BTG1: variants seen among roughly 807,000 people sequenced by gnomAD.
The protein encoded by BTG1 is BTG anti-proliferation factor 1, also known as protein BTG1.
In BTG1, 2 loss-of-function variants were observed where a neutral mutation model predicts 15.2. That is an observed-to-expected ratio of 0.13 (90% confidence interval 0.05 to 0.41). The LOEUF (loss-of-function observed/expected upper bound fraction) is 0.41, where lower values mean the gene tolerates loss of function less well. Ranked by LOEUF, BTG1 falls within the 10% of genes least tolerant of loss-of-function variation. The pLI is 0.99. For synonymous variants in BTG1, 109 were observed against 82.4 expected, an observed-to-expected ratio of 1.32 and a Z score of -1.75; for missense variants, 149 against 215.0, an observed-to-expected ratio of 0.69 and a Z score of 1.92.
At position 92,145,844 on chromosome 12, in the gene BTG1, G is replaced by C. The variant is rs28399532; in HGVS notation, c.-309C>G. 5.6e-5 allele frequency: 13 copies of C among 233,040 alleles called. No individual in the cohort carries two copies. The highest frequency in any genetic ancestry group is 2.7e-4 in the African/African-American group (12 of 44,786). 14.4% of individuals were successfully genotyped at this position (233,040 alleles called of 1,614,324 possible). A position where few individuals can be genotyped will look rare whatever the true frequency, so the allele number is the denominator to read the frequency against. On this transcript the variant is annotated 5_prime_UTR_variant, in exon 1 of 2. Transcript: ENST00000256015. ...ATAGCTGCATTTCCAGCTCCGAGAGGCGAAGAGATGCAAGCGCCGTGCAGC... is the reference window on the plus strand; with the variant it reads ...ATAGCTGCATTTCCAGCTCCGAGAGCCGAAGAGATGCAAGCGCCGTGCAGC...
intron 1 of BTG1, among the ~76,000 whole-genome samples, chr12:92,144,842 G>C (rs1297194202): frequency 6.6e-6 from 1 of 152,186 alleles, no homozygotes; most frequent in Non-Finnish European, 1.5e-5. Flanking sequence ...AACCCCGAAG[G>C]GAAGAAAAAC....
In BTG1 at chr12:92,141,056, T is replaced by A. The variant is rs978916578; in HGVS notation, c.*3024A>T. Reference sequence around the variant, plus strand: ...CGCAGGGAGAAGTCCAATAGTAGATTTATTTGCTCCCAAGATTAAAGGGAG... The same window carrying A: ...CGCAGGGAGAAGTCCAATAGTAGATATATTTGCTCCCAAGATTAAAGGGAG... On this transcript the variant is annotated 3_prime_UTR_variant, in exon 2 of 2. Transcript: ENST00000256015. The A allele has an allele frequency of 4.7e-5, 11 of 232,690 alleles. No homozygotes were observed. The highest frequency in any genetic ancestry group is 2.4e-4 in the African/African-American group (11 of 45,308). The allele number at this position is 232,690 out of a possible 1,614,324, so 14.4% of individuals were successfully genotyped here.
Position 92,143,567 on chromosome 12 carries a change from T to C in BTG1, c.*513A>G, listed in dbSNP as rs1870387785. 1 of 235,866 alleles carries C rather than the reference T, an allele frequency of 4.2e-6. No homozygotes were observed. The highest frequency in any genetic ancestry group is 5.6e-5 in the Admixed American group (1 of 17,822). The allele number at this position is 235,866 out of a possible 1,614,324, so 14.6% of individuals were successfully genotyped here. Reference sequence around the variant, plus strand: ...GACCATTTCCCCAGGTCATGCTTACTAGTTTGTCTTTATGTACATTTATAC... The same window carrying C: ...GACCATTTCCCCAGGTCATGCTTACCAGTTTGTCTTTATGTACATTTATAC... On this transcript the variant is annotated 3_prime_UTR_variant, in exon 2 of 2. Transcript: ENST00000256015.
In BTG1 at chr12:92,142,689, TG is replaced by T. The variant is rs1393201205; in HGVS notation, c.*1390del. 1.3e-5 allele frequency: 3 copies of T among 233,012 alleles called. No individual in the cohort carries two copies. The highest frequency in any genetic ancestry group is 2.5e-5 in the Non-Finnish European group (3 of 117,986). The allele number at this position is 233,012 out of a possible 1,614,324, so 14.4% of individuals were successfully genotyped here. ...CAAAAAGCAACCAATCTCTCTGTGG[TG>T]TTTAGCCTGTTCTTTAAGACTATGG... On this transcript the variant is annotated 3_prime_UTR_variant, in exon 2 of 2. Coordinates refer to ENST00000256015, the MANE Select transcript of BTG1 (RefSeq NM_001731.3).
chr12:92,140,644 A>C lies in BTG1; in HGVS notation c.*3436T>G. On this transcript the variant is annotated 3_prime_UTR_variant, in exon 2 of 2. Coordinates refer to ENST00000256015, the MANE Select transcript of BTG1 (RefSeq NM_001731.3). ...TGGTATTACAAACTATCTTACTGTA[A>C]AAGATTTTGTGATACTGTTATATTA... is the stretch of plus-strand genomic sequence containing the variant. 1 of 232,148 alleles carries C rather than the reference A, an allele frequency of 4.3e-6. No homozygotes were observed. Among genetic ancestry groups the C allele is most frequent in the Non-Finnish European group, 8.5e-6 (1 of 117,364 alleles). 14.4% of individuals were successfully genotyped at this position (232,148 alleles called of 1,614,324 possible).
intron 1 of BTG1, 121 bp from the exon 2 acceptor site, chr12:92,144,568 C>T (rs1870459912): frequency 7.5e-7 from 1 of 1,332,992 alleles, no homozygotes; most frequent in Non-Finnish European, 1.0e-6. Flanking sequence ...TTTAAAATGT[C>T]CAGGATTGCA....
chr12:92,144,461 G>T lies in BTG1; in HGVS notation c.149-14C>A. 3 of 1,610,228 alleles carry T rather than the reference G, an allele frequency of 1.9e-6. No homozygotes were observed. The highest frequency in any genetic ancestry group is 2.5e-6 in the Non-Finnish European group (3 of 1,179,064). ...GTTTATAATGTTCTATAGAAGAAAA[G>T]AAGAACAGAGAAACAACGCTTAGGA... On this transcript the variant is annotated splice_polypyrimidine_tract_variant and intron_variant, in intron 1 of 1. Transcript: ENST00000256015.
At position 92,145,608 on chromosome 12, in the gene BTG1, C is replaced by CCGGG. The variant is rs1335088901; in HGVS notation, c.-77_-74dup. 9.9e-6 allele frequency: 11 copies of CCGGG among 1,106,582 alleles called. No individual in the cohort carries two copies. The East Asian group carries it at 2.3e-4, about 23-fold the overall frequency. The allele number at this position is 1,106,582 out of a possible 1,614,324, so 68.5% of individuals were successfully genotyped here. A position where few individuals can be genotyped will look rare whatever the true frequency, so the allele number is the denominator to read the frequency against. ...CGGCCCCGACGGCGGAGCAGCCACCCCGGGCTTCCTCACCGGGCGGAAGGC... is the reference window on the plus strand; with the variant it reads ...CGGCCCCGACGGCGGAGCAGCCACCCCGGGCGGGCTTCCTCACCGGGCGGAAGGC... On this transcript the variant is annotated 5_prime_UTR_variant, in exon 1 of 2. Coordinates refer to ENST00000256015, the MANE Select transcript of BTG1 (RefSeq NM_001731.3).
rs1379553992 is a variant in BTG1 at position 92,143,907 on chromosome 12, A to G, written c.*173T>C. 2 of 690,612 alleles carry G rather than the reference A, an allele frequency of 2.9e-6. No individual in the cohort carries two copies. The highest frequency in any genetic ancestry group is 4.6e-6 in the Non-Finnish European group (2 of 430,448). The allele number at this position is 690,612 out of a possible 1,614,324, so 42.8% of individuals were successfully genotyped here. A position where few individuals can be genotyped will look rare whatever the true frequency, so the allele number is the denominator to read the frequency against. ...AATTAATCATTGAAAGGTACTGTCC[A>G]AACTATGGCACTGTCACTTAAAATT... On this transcript the variant is annotated 3_prime_UTR_variant, in exon 2 of 2. Transcript: ENST00000256015.
rs1870439776 is a variant in BTG1 at position 92,144,327 on chromosome 12, C to T, written c.269G>A (p.Ser90Asn). Residue 90 changes from serine (S) to asparagine (N), a missense_variant, in exon 2 of 2, where the codon AGC becomes AAC. Physicochemically the swap from Ser to Asn is conservative, Grantham distance 46. Coordinates refer to ENST00000256015, the MANE Select transcript of BTG1 (RefSeq NM_001731.3). ...GAGAAGCCTGAACAGCTCCTGACTG[C>T]TCAGTCCAATCCGCTGTGCTGCCTG... ...IGQAAQRIGLSSQELFRLLPS... is the reference protein window; with the variant it reads ...IGQAAQRIGLNSQELFRLLPS... The T allele has an allele frequency of 3.1e-6, 5 of 1,614,240 alleles. No individual in the cohort carries two copies. The highest frequency in any genetic ancestry group is 4.2e-6 in the Non-Finnish European group (5 of 1,180,036).
At chr12:92,144,534 A>G in intron 1 of BTG1, 87 bp from the exon 2 acceptor site, 2 of 1,537,022 alleles carry the variant, frequency 1.3e-6, no homozygotes, top group South Asian at 1.2e-5. Context: ...TCCTTTGAGG[A>G]GCGAAAATGA....
chr12:92,145,611 G>T lies in BTG1; in HGVS notation c.-76C>A. Reference sequence around the variant, plus strand: ...CCCCGACGGCGGAGCAGCCACCCCGGGCTTCCTCACCGGGCGGAAGGCTGA... The same window carrying T: ...CCCCGACGGCGGAGCAGCCACCCCGTGCTTCCTCACCGGGCGGAAGGCTGA... On this transcript the variant is annotated 5_prime_UTR_variant, in exon 1 of 2. Coordinates refer to ENST00000256015, the MANE Select transcript of BTG1 (RefSeq NM_001731.3). 9.2e-7 allele frequency: 1 copy of T among 1,092,498 alleles called. No individual in the cohort carries two copies. The highest frequency in any genetic ancestry group is 1.2e-6 in the Non-Finnish European group (1 of 849,392). 67.7% of individuals were successfully genotyped at this position (1,092,498 alleles called of 1,614,324 possible).
Position 92,143,063 on chromosome 12 carries a change from G to A in BTG1, c.*1017C>T, listed in dbSNP as rs28399548. The A allele has an allele frequency of 5.4e-4, 125 of 232,714 alleles. 1 individual carries two copies. In the South Asian group the frequency reaches 0.021, roughly 40 times the overall value. 14.4% of individuals were successfully genotyped at this position (232,714 alleles called of 1,614,324 possible). On this transcript the variant is annotated 3_prime_UTR_variant, in exon 2 of 2. Transcript: ENST00000256015. Reference sequence around the variant, plus strand: ...GTGTGCAACAGAGATTCAGTTTATAGAACCTGTCTTCTAAGAAAAAATACT... The same window carrying A: ...GTGTGCAACAGAGATTCAGTTTATAAAACCTGTCTTCTAAGAAAAAATACT...
Position 92,145,298 on chromosome 12 carries a change from G to A in BTG1, c.148+90C>T, listed in dbSNP as rs527247262. ...GGGGCCCAAGCGCGACCGGCCCCGG[G>A]GCGCTGCCGAGGTTCCCGCAGCCCC... On this transcript the variant is annotated intron_variant, in intron 1 of 1. Coordinates refer to ENST00000256015, the MANE Select transcript of BTG1 (RefSeq NM_001731.3). The A allele has an allele frequency of 2.9e-5, 39 of 1,352,708 alleles. No homozygotes were observed. The African/African-American group carries it at 5.5e-4, about 19-fold the overall frequency. 83.8% of individuals were successfully genotyped at this position (1,352,708 alleles called of 1,614,324 possible).
In BTG1 at chr12:92,143,505, T is replaced by G. The variant is rs1358209330; in HGVS notation, c.*575A>C. On this transcript the variant is annotated 3_prime_UTR_variant, in exon 2 of 2. Coordinates refer to ENST00000256015, the MANE Select transcript of BTG1 (RefSeq NM_001731.3). ...TGTTGCCATGGCAGATTCTGGTCAC[T>G]TGCTACTTTCAAGGCCAAAAACACA... 1 of 234,104 alleles carries G rather than the reference T, an allele frequency of 4.3e-6. No individual in the cohort carries two copies. Among genetic ancestry groups the G allele is most frequent in the African/African-American group, 2.2e-5 (1 of 45,336 alleles). The allele number at this position is 234,104 out of a possible 1,614,324, so 14.5% of individuals were successfully genotyped here. A position where few individuals can be genotyped will look rare whatever the true frequency, so the allele number is the denominator to read the frequency against.
At chr12:92,145,260 C>A in intron 1 of BTG1, 128 bp downstream of exon 1, 1 of 1,296,698 alleles carries the variant, frequency 7.7e-7, no homozygotes. Context: ...CGCAACCACA[C>A]CGGTCCCGCG....
rs1870372186 is a variant in BTG1, at chr12:92,143,337, A to G, written c.*743T>C. Reference sequence around the variant, plus strand: ...ACTTTTACCCAATTAAGTACAAGGAAAGTTACAAACCAGACCTCCACTTTC... The same window carrying G: ...ACTTTTACCCAATTAAGTACAAGGAGAGTTACAAACCAGACCTCCACTTTC... On this transcript the variant is annotated 3_prime_UTR_variant, in exon 2 of 2. Coordinates refer to ENST00000256015, the MANE Select transcript of BTG1 (RefSeq NM_001731.3). The G allele has an allele frequency of 4.3e-6, 1 of 233,138 alleles. No individual in the cohort carries two copies. The highest frequency in any genetic ancestry group is 8.5e-6 in the Non-Finnish European group (1 of 117,696). The allele number at this position is 233,138 out of a possible 1,614,324, so 14.4% of individuals were successfully genotyped here. A position where few individuals can be genotyped will look rare whatever the true frequency, so the allele number is the denominator to read the frequency against.
In BTG1 at chr12:92,145,649, G is replaced by C; in HGVS notation, c.-114C>G. 1.5e-6 allele frequency: 1 copy of C among 658,620 alleles called. No homozygotes were observed. The highest frequency in any genetic ancestry group is 2.2e-6 in the Non-Finnish European group (1 of 456,866). 40.8% of individuals were successfully genotyped at this position (658,620 alleles called of 1,614,324 possible). ...GGCGGAAGGCTGAGAGGAAGAGAGG[G>C]CGTGAGGGGCGGACGACTACTTTTG... On this transcript the variant is annotated 5_prime_UTR_variant, in exon 1 of 2. Transcript: ENST00000256015.
chr12:92,142,461 A>G lies in BTG1; in HGVS notation c.*1619T>C, dbSNP rs1870303130. On this transcript the variant is annotated 3_prime_UTR_variant, in exon 2 of 2. Coordinates refer to ENST00000256015, the MANE Select transcript of BTG1 (RefSeq NM_001731.3). ...CTACAACTAAACAGCAAGTCCTTCT[A>G]TTATATGGGGTAGTGAAGTAATCTA... The G allele has an allele frequency of 4.3e-6, 1 of 231,906 alleles. No individual in the cohort carries two copies. Among genetic ancestry groups the G allele is most frequent in the South Asian group, 1.8e-4 (1 of 5,526 alleles). 14.4% of individuals were successfully genotyped at this position (231,906 alleles called of 1,614,324 possible). A position where few individuals can be genotyped will look rare whatever the true frequency, so the allele number is the denominator to read the frequency against.
Sources: allele counts gnomAD v4.1 joint callset (sites outside exome capture counted in the v4.1 genomes callset), GRCh38; gene constraint gnomAD v4.1.1; transcripts MANE v1.5; gene names NCBI Gene and HGNC (gene_info 2026-07-23, HGNC 2026-07-21).